Variants in ZNF804B observed in about 807,000 individuals in gnomAD.
The protein encoded by ZNF804B is zinc finger 804B.
ZNF804B carries 80 observed loss-of-function variants against 101.4 expected under a neutral mutation model. The ratio of observed to expected loss-of-function variants is 0.79; its 90% CI spans 0.66 to 0.95. The LOEUF is 0.95. Ranked by LOEUF, ZNF804B falls within the 40% of genes least tolerant of loss-of-function variation. The pLI is 0.00. For synonymous variants in ZNF804B, 622 were observed against 558.8 expected, an observed-to-expected ratio of 1.11 and a Z score of -1.59; for missense variants, 1,673 against 1,561.9, an observed-to-expected ratio of 1.07 and a Z score of -1.20.
At chr7:89,233,935 A>G (rs1789238566) in intron 2 of ZNF804B, among the ~76,000 whole-genome samples, 1 of 152,166 alleles carries the variant, frequency 6.6e-6, no homozygotes, top group South Asian at 2.1e-4. Flanking sequence ...TTTTTTCTTA[A>G]GAAGTAGTTT....
At chr7:88,970,354 C>A (rs111887947) in intron 1 of ZNF804B, among the ~76,000 whole-genome samples, 2 of 126,732 alleles carry the variant, frequency 1.6e-5, no homozygotes, top group Non-Finnish European at 3.3e-5. Context: ...GCCCCCCCCC[C>A]ACCCCCACAA....
chr7:88,760,154 GAT>G, intron 1 of ZNF804B, 70 bp downstream of exon 1: 7 of 1,292,376 alleles, frequency 5.4e-6, no homozygotes, highest in Non-Finnish European at 7.9e-6. Flanking sequence ...GATATTGAGA[GAT>G]AGTATCCTGA....
intron 1 of ZNF804B, among the ~76,000 whole-genome samples, chr7:89,071,445 G>A (rs1272243979): frequency 6.6e-6 from 1 of 151,930 alleles, no homozygotes; most frequent in Non-Finnish European, 1.5e-5. Context: ...GTCTTTACAG[G>A]GTCATTTCAC....
At chr7:89,259,748 C>T (rs1056636060) in intron 2 of ZNF804B, among the ~76,000 whole-genome samples, 28 of 152,066 alleles carry the variant, frequency 1.8e-4, no homozygotes, top group African/African-American at 5.3e-4. Context: ...TTTGGGAGGT[C>T]GAGGCAGGCA....
intron 1 of ZNF804B, among the ~76,000 whole-genome samples, chr7:88,802,843 C>G (rs1329035139): frequency 1.3e-5 from 2 of 151,932 alleles, no homozygotes. Flanking sequence ...AACAAGATAA[C>G]CGTCTATATT....
In ZNF804B at chr7:89,146,386, G is replaced by A. The variant is rs550156638; in HGVS notation, c.109-71769G>A. Among the ~76,000 whole-genome samples, 74 of 152,130 alleles carry A rather than the reference G, an allele frequency of 4.9e-4. No homozygotes were observed. In the South Asian group the frequency reaches 0.015, roughly 32 times the overall value. On this transcript the variant is annotated intron_variant, in intron 1 of 3. Coordinates refer to ENST00000333190, the MANE Select transcript of ZNF804B (RefSeq NM_181646.5). ...CAATCAGGAATTTGTAAGAGTGAAT[G>A]CATTGAAATTATGAGCCATCTAAAT...
intron 3 of ZNF804B, among the ~76,000 whole-genome samples, chr7:89,330,360 G>T (rs1043473010): frequency 1.3e-5 from 2 of 151,616 alleles, no homozygotes; most frequent in Non-Finnish European, 1.5e-5. Flanking sequence ...TTTGCCAAGA[G>T]AGTGAATCTA....
At chr7:89,059,074 A>T (rs1372892344) in intron 1 of ZNF804B, among the ~76,000 whole-genome samples, 1 of 152,178 alleles carries the variant, frequency 6.6e-6, no homozygotes, top group African/African-American at 2.4e-5. Context: ...GACTGTACTC[A>T]TGAAACCAGA....
intron 2 of ZNF804B, among the ~76,000 whole-genome samples, chr7:89,219,511 A>G (rs1788948057): frequency 6.6e-6 from 1 of 151,814 alleles, no homozygotes; most frequent in African/African-American, 2.4e-5. Context: ...GATATACTAC[A>G]TATGGCTGCC....
At chr7:89,067,045 T>C (rs1789464816) in intron 1 of ZNF804B, among the ~76,000 whole-genome samples, 1 of 152,148 alleles carries the variant, frequency 6.6e-6, no homozygotes, top group Non-Finnish European at 1.5e-5. Flanking sequence ...AAGCTTCACA[T>C]CTCATAAAAT....
intron 1 of ZNF804B, among the ~76,000 whole-genome samples, chr7:88,870,345 A>T (rs993462916): frequency 1.5e-4 from 20 of 135,304 alleles, no homozygotes; most frequent in Non-Finnish European, 2.6e-4. Flanking sequence ...AGATCGCGCC[A>T]CTGCACTCCA....
intron 1 of ZNF804B, among the ~76,000 whole-genome samples, chr7:88,980,293 G>T (rs934443356): frequency 6.6e-6 from 1 of 151,982 alleles, no homozygotes; most frequent in Non-Finnish European, 1.5e-5. Flanking sequence ...TGTCAGTCAT[G>T]GTTTGGTCAC....
chr7:89,327,702 A>T (rs1790917346), intron 3 of ZNF804B, among the ~76,000 whole-genome samples: 1 of 152,020 alleles, frequency 6.6e-6, no homozygotes, highest in African/African-American at 2.4e-5. Flanking sequence ...TCCCAGAATG[A>T]TTCAAATACA....
chr7:88,912,167 A>G (rs1287995940), intron 1 of ZNF804B, among the ~76,000 whole-genome samples: 1 of 151,970 alleles, frequency 6.6e-6, no homozygotes, highest in African/African-American at 2.4e-5. Flanking sequence ...CTTTTGCTCC[A>G]TATAGTCATC....
At chr7:89,135,749 C>G (rs948176442) in intron 1 of ZNF804B, among the ~76,000 whole-genome samples, 2 of 151,994 alleles carry the variant, frequency 1.3e-5, no homozygotes, top group Non-Finnish European at 2.9e-5. Flanking sequence ...TTATAAAAAA[C>G]TATTACATAT....
intron 1 of ZNF804B, among the ~76,000 whole-genome samples, chr7:88,955,105 A>G (rs1321881599): frequency 2.0e-5 from 3 of 150,928 alleles, no homozygotes; most frequent in South Asian, 2.1e-4. Context: ...ATTTAAAAAA[A>G]AAAAAAAGGA....
chr7:89,107,286 A>G (rs1381637921), intron 1 of ZNF804B, among the ~76,000 whole-genome samples: 1 of 152,170 alleles, frequency 6.6e-6, no homozygotes, highest in East Asian at 1.9e-4. Flanking sequence ...ATTTGAGAAT[A>G]TAGTGATGAA....
At chr7:88,840,456 C>A (rs1348502096) in intron 1 of ZNF804B, among the ~76,000 whole-genome samples, 1 of 151,990 alleles carries the variant, frequency 6.6e-6, no homozygotes, top group Non-Finnish European at 1.5e-5. Context: ...ATAAGAATGC[C>A]ATGAATTTTA....
At chr7:88,999,750 A>C (rs1788257716) in intron 1 of ZNF804B, among the ~76,000 whole-genome samples, 1 of 152,030 alleles carries the variant, frequency 6.6e-6, no homozygotes, top group African/African-American at 2.4e-5. Flanking sequence ...ATTCAATTCC[A>C]AAAAATACAA....
Sources: gnomAD v4.1 joint callset for allele counts (sites outside exome capture counted in the v4.1 genomes callset) on GRCh38, gnomAD v4.1.1 for gene constraint, MANE v1.5 for transcripts, NCBI Gene and HGNC (gene_info 2026-07-23, HGNC 2026-07-21) for gene names.